ZNF33A: variants seen among roughly 807,000 people sequenced by gnomAD.
ZNF33A encodes the protein zinc finger protein 33A.
Under a neutral mutation model 15.9 loss-of-function variants are expected in ZNF33A, and 9 were observed. The ratio of observed to expected loss-of-function variants is 0.57; its 90% CI spans 0.34 to 0.99. The LOEUF is 0.99. ZNF33A is among the 50% of genes least tolerant of loss of function. The pLI is 0.02. For synonymous variants in ZNF33A, 294 were observed against 324.2 expected, an observed-to-expected ratio of 0.91 and a Z score of 1.00; for missense variants, 843 against 941.6, an observed-to-expected ratio of 0.90 and a Z score of 1.37.
Position 38,057,384 on chromosome 10 carries a change from G to C in ZNF33A, c.*824G>C. ...TGAATAATCAGGGCAATAGCATTAA[G>C]CACATCTGCGAATTATCCCTGAAGT... On this transcript the variant is annotated 3_prime_UTR_variant, in exon 5 of 5. Coordinates refer to ENST00000432900, the MANE Select transcript of ZNF33A (RefSeq NM_006954.2). 1 of 985,356 alleles carries C rather than the reference G, an allele frequency of 1.0e-6. No individual in the cohort carries two copies. The highest frequency in any genetic ancestry group is 1.2e-6 in the Non-Finnish European group (1 of 829,928). The allele number at this position is 985,356 out of a possible 1,614,324, so 61.0% of individuals were successfully genotyped here. A position where few individuals can be genotyped will look rare whatever the true frequency, so the allele number is the denominator to read the frequency against.
downstream of ZNF33A, chr10:38,064,904 C>T (rs2066695110): frequency 6.6e-6 from 1 of 151,844 alleles, no homozygotes; most frequent in African/African-American, 2.4e-5. Context: ...ACTGCTGAGC[C>T]TGGAATCATT....
At chr10:38,022,261 GATGACAA>G (rs2064779879) in intron 4 of ZNF33A, among the ~76,000 whole-genome samples, 1 of 152,084 alleles carries the variant, frequency 6.6e-6, no homozygotes, top group African/African-American at 2.4e-5. Flanking sequence ...TATAGAATGA[GATGACAA>G]ATCATCAATA....
At chr10:38,016,554 T>C (rs1311049782) in intron 2 of ZNF33A, among the ~76,000 whole-genome samples, 3 of 152,242 alleles carry the variant, frequency 2.0e-5, no homozygotes, top group African/African-American at 7.2e-5. Flanking sequence ...GTTAGTCTAC[T>C]GTGTTTGTAC....
At chr10:38,032,283 T>G (rs997120160) in intron 4 of ZNF33A, among the ~76,000 whole-genome samples, 2 of 152,102 alleles carry the variant, frequency 1.3e-5, no homozygotes, top group Non-Finnish European at 2.9e-5. Flanking sequence ...ATACATAATA[T>G]CAGTTGTGTG....
intron 1 of ZNF33A, among the ~76,000 whole-genome samples, chr10:38,011,115 C>A (rs1208820916): frequency 2.0e-5 from 3 of 152,200 alleles, no homozygotes; most frequent in African/African-American, 7.2e-5. Flanking sequence ...CGCCGCGGTA[C>A]GTGGGCGGGG....
At chr10:38,017,156 G>A in intron 3 of ZNF33A, 135 bp from the exon 4 acceptor site, 1 of 1,369,346 alleles carries the variant, frequency 7.3e-7, no homozygotes, top group East Asian at 2.3e-5. Flanking sequence ...CTGAGTACCA[G>A]AAGATACTTG....
chr10:38,052,919 T>C (rs1248717400), intron 4 of ZNF33A, among the ~76,000 whole-genome samples: 3 of 151,752 alleles, frequency 2.0e-5, no homozygotes, highest in African/African-American at 7.2e-5. Context: ...TTATACTTTT[T>C]AATATTAGAT....
chr10:38,057,285 A>C lies in ZNF33A; in HGVS notation c.*725A>C. 2 of 985,274 alleles carry C rather than the reference A, an allele frequency of 2.0e-6. No homozygotes were observed. The highest frequency in any genetic ancestry group is 2.4e-6 in the Non-Finnish European group (2 of 829,774). The allele number at this position is 985,274 out of a possible 1,614,324, so 61.0% of individuals were successfully genotyped here. A position where few individuals can be genotyped will look rare whatever the true frequency, so the allele number is the denominator to read the frequency against. ...CTCAAGTAGTTCCCTTTTTGTATTA[A>C]TAACCACACGCTTTCTGCAACCCTA... is the stretch of plus-strand genomic sequence containing the variant. On this transcript the variant is annotated 3_prime_UTR_variant, in exon 5 of 5. Coordinates refer to ENST00000432900, the MANE Select transcript of ZNF33A (RefSeq NM_006954.2).
chr10:38,024,163 C>CCAAAAAAAAA (rs1554902706), intron 4 of ZNF33A, among the ~76,000 whole-genome samples: 19 of 93,192 alleles, frequency 2.0e-4, no homozygotes, highest in South Asian at 4.1e-4. Context: ...AAAAACAAAA[C>CCAAAAAAAAA]AAAAAAAAAA....
Position 38,058,746 on chromosome 10 carries a change from G to C in ZNF33A, c.*2186G>C, listed in dbSNP as rs1470326591. 6.6e-6 allele frequency: 1 copy of C among 152,222 alleles called. No homozygotes were observed. Among genetic ancestry groups the C allele is most frequent in the African/African-American group, 2.4e-5 (1 of 41,440 alleles). 9.4% of individuals were successfully genotyped at this position (152,222 alleles called of 1,614,324 possible). On this transcript the variant is annotated 3_prime_UTR_variant, in exon 5 of 5. Transcript: ENST00000432900. The stretch of plus-strand genomic sequence containing the variant: ...AGATTGTGCCACTGTACTGCAGCCT[G>C]GGTGACAGAATGAGACTGCATCTCA...
intron 4 of ZNF33A, among the ~76,000 whole-genome samples, chr10:38,023,765 G>T (rs2064856880): frequency 6.6e-6 from 1 of 152,132 alleles, no homozygotes; most frequent in African/African-American, 2.4e-5. Flanking sequence ...GCACAATGAG[G>T]CAAGAAAGTG....
At chr10:38,045,626 T>C (rs1189205747) in intron 4 of ZNF33A, among the ~76,000 whole-genome samples, 1 of 152,232 alleles carries the variant, frequency 6.6e-6, no homozygotes, top group African/African-American at 2.4e-5. Context: ...TTCTGGTAGA[T>C]AGGAACACAT....
At chr10:38,034,012 G>A (rs1342087817) in intron 4 of ZNF33A, among the ~76,000 whole-genome samples, 2 of 152,012 alleles carry the variant, frequency 1.3e-5, no homozygotes, top group South Asian at 2.1e-4. Flanking sequence ...CTCCCGGCCT[G>A]ATGTTGAACA....
rs1376016259 is a variant in ZNF33A, at chr10:38,010,692, T to G, written c.-136T>G. 6.3e-7 allele frequency: 1 copy of G among 1,597,056 alleles called. No individual in the cohort carries two copies. The highest frequency in any genetic ancestry group is 2.2e-5 in the East Asian group (1 of 44,814). ...ACGTCTGCGTTTCCGCCTTTCCTTT[T>G]GTTTTTCTCAGGTTTTGCGTGGGAG... On this transcript the variant is annotated 5_prime_UTR_variant, in exon 1 of 5. Transcript: ENST00000432900.
At chr10:38,048,407 A>G (rs1202421730) in intron 4 of ZNF33A, among the ~76,000 whole-genome samples, 2 of 152,238 alleles carry the variant, frequency 1.3e-5, no homozygotes, top group African/African-American at 2.4e-5. Context: ...TATATGTACT[A>G]TTTCTGAAAA....
At chr10:38,053,131 G>GTTGTT (rs2066288219) in intron 4 of ZNF33A, among the ~76,000 whole-genome samples, 3 of 151,886 alleles carry the variant, frequency 2.0e-5, no homozygotes, top group Non-Finnish European at 4.4e-5. Context: ...TCAAGTTTCA[G>GTTGTT]TCAAGTGTAG....
At chr10:38,039,408 TG>T in intron 4 of ZNF33A, 1 of 448,866 alleles carries the variant, frequency 2.2e-6, no homozygotes, top group Non-Finnish European at 4.5e-6. Flanking sequence ...GTTTTTTTTT[TG>T]TAGAGATGGG....
At chr10:38,012,197 T>C in intron 1 of ZNF33A, 101 bp from the exon 2 acceptor site, 1 of 1,182,680 alleles carries the variant, frequency 8.5e-7, no homozygotes, top group Non-Finnish European at 1.2e-6. Context: ...AGAGGAAGCA[T>C]TTTACCTAGT....
chr10:38,063,123 G>A (rs1420436661), downstream of ZNF33A, among the ~76,000 whole-genome samples: 3 of 151,236 alleles, frequency 2.0e-5, no homozygotes, highest in Admixed American at 1.3e-4. Flanking sequence ...AAATGCAACT[G>A]TGTCCGTGTG....
Sources: gnomAD v4.1 joint callset for allele counts (sites outside exome capture counted in the v4.1 genomes callset) on GRCh38, gnomAD v4.1.1 for gene constraint, MANE v1.5 for transcripts, NCBI Gene and HGNC (gene_info 2026-07-23, HGNC 2026-07-21) for gene names.